MPDZ: variants seen among roughly 807,000 people sequenced by gnomAD.
MPDZ encodes multiple PDZ domain protein.
A neutral mutation model predicts 239.1 loss-of-function variants in MPDZ; 234 were observed. The observed-to-expected ratio is 0.98, with a 90% CI of 0.88 to 1.09. The LOEUF is 1.09. Ranked by LOEUF, MPDZ falls within the 50% of genes least tolerant of loss-of-function variation. The pLI is 0.00. For missense variants in MPDZ, 3,175 were observed against 2,510.0 expected (o/e 1.26, Z -5.66); for synonymous variants, 1,048 against 881.3 (o/e 1.19, Z -3.35).
At chr9:13,271,990 G>C (rs1008307955) in intron 1 of MPDZ, among the ~76,000 whole-genome samples, 1 of 152,088 alleles carries the variant, frequency 6.6e-6, no homozygotes, top group Non-Finnish European at 1.5e-5. Context: ...AGATGGGAGG[G>C]GTGGGTAGAG....
chr9:13,146,448 TTAAAA>T (rs1948447355), intron 26 of MPDZ, among the ~76,000 whole-genome samples: 1 of 152,078 alleles, frequency 6.6e-6, no homozygotes, highest in Non-Finnish European at 1.5e-5. Context: ...ACTTTACAAG[TTAAAA>T]TTAAATATAT....
intron 23 of MPDZ, among the ~76,000 whole-genome samples, chr9:13,160,870 A>ATATATATATATATATATATATATAT (rs1554669677): frequency 1.6e-5 from 2 of 127,712 alleles, no homozygotes; most frequent in Non-Finnish European, 1.7e-5. Context: ...ATATATATAT[A>ATATATATATATATATATATATATAT]AAACAGGTAC....
intron 26 of MPDZ, among the ~76,000 whole-genome samples, chr9:13,145,732 C>T (rs1948342306): frequency 6.6e-6 from 1 of 151,952 alleles, no homozygotes; most frequent in South Asian, 2.1e-4. Flanking sequence ...AATCAGGTAT[C>T]ATTATACCTC....
rs1339057654 is a variant in MPDZ, at chr9:13,217,271, A to T, written c.1110T>A (p.Gly370=). Residue 370 remains glycine, a synonymous_variant, in exon 9 of 47, where the codon GGT becomes GGA. Transcript: ENST00000319217. The part of the protein sequence containing the change: ...ELRVDASTQK[G]EESETFDVEL... The stretch of plus-strand genomic sequence containing the variant: ...CTACATCAAATGTCTCACTTTCTTC[A>T]CCTTTCTGAGTAGAAGCATCAACCT... 6.3e-7 allele frequency: 1 copy of T among 1,597,744 alleles called. No individual in the cohort carries two copies.
chr9:13,116,820 A>G (rs1164281932), intron 39 of MPDZ, among the ~76,000 whole-genome samples: 2 of 152,218 alleles, frequency 1.3e-5, no homozygotes, highest in Non-Finnish European at 2.9e-5. Context: ...AAAAGGACCC[A>G]TAAGTCCAAC....
intron 32 of MPDZ, among the ~76,000 whole-genome samples, chr9:13,129,024 G>C (rs538959170): frequency 6.6e-6 from 1 of 152,244 alleles, no homozygotes; most frequent in African/African-American, 2.4e-5. Flanking sequence ...GATGGAATTA[G>C]TTCATTTTTT....
chr9:13,177,654 G>C (rs574559981), intron 19 of MPDZ, among the ~76,000 whole-genome samples: 1 of 152,276 alleles, frequency 6.6e-6, no homozygotes, highest in Admixed American at 6.5e-5. Context: ...AAGTATGAAA[G>C]ACAGTGGTGT....
At chr9:13,148,052 G>A (rs1948669644) in intron 25 of MPDZ, among the ~76,000 whole-genome samples, 1 of 151,930 alleles carries the variant, frequency 6.6e-6, no homozygotes, top group African/African-American at 2.4e-5. Context: ...TGACTATAGG[G>A]TGGTTTGGGA....
At chr9:13,113,207 G>C (rs1431949883) in intron 41 of MPDZ, among the ~76,000 whole-genome samples, 153 bp from the exon 42 acceptor site, 1 of 152,020 alleles carries the variant, frequency 6.6e-6, no homozygotes, top group Non-Finnish European at 1.5e-5. Context: ...GATTAGATCT[G>C]TCTTACACAG....
chr9:13,176,593 C>T (rs1219001651), intron 19 of MPDZ, among the ~76,000 whole-genome samples, 176 bp from the exon 20 acceptor site: 2 of 152,132 alleles, frequency 1.3e-5, no homozygotes, highest in Non-Finnish European at 2.9e-5. Flanking sequence ...TTCTGCATAT[C>T]TTTATTTTCA....
chr9:13,126,637 C>T (rs1468025932), intron 33 of MPDZ, 43 bp downstream of exon 33: 7 of 1,609,072 alleles, frequency 4.4e-6, no homozygotes, highest in Non-Finnish European at 6.0e-6. Flanking sequence ...AAAAGTAATT[C>T]CCTCCCCAAC....
At chr9:13,209,952 AT>A (rs1564035372) in intron 10 of MPDZ, among the ~76,000 whole-genome samples, 1 of 151,826 alleles carries the variant, frequency 6.6e-6, no homozygotes, top group Non-Finnish European at 1.5e-5. Context: ...AAAAGAAATT[AT>A]AAGGAGAAGA....
At chr9:13,160,830 TTA>T (rs58374268) in intron 23 of MPDZ, among the ~76,000 whole-genome samples, 978 of 37,936 alleles carry the variant, frequency 0.026, 20 homozygotes, top group East Asian at 0.036. Context: ...ATTATTAAAA[TTA>T]TATATATATA....
intron 3 of MPDZ, among the ~76,000 whole-genome samples, chr9:13,245,676 A>G (rs1472521317): frequency 6.6e-6 from 1 of 152,166 alleles, no homozygotes; most frequent in African/African-American, 2.4e-5. Context: ...GTCTTAAAAT[A>G]TATCAGTTGT....
intron 1 of MPDZ, among the ~76,000 whole-genome samples, chr9:13,256,394 G>A (rs532631546): frequency 6.6e-6 from 1 of 152,286 alleles, no homozygotes; most frequent in African/African-American, 2.4e-5. Flanking sequence ...CAACTTGGCT[G>A]TTTGGCACAA....
chr9:13,229,602 ACACC>A (rs925844703), intron 3 of MPDZ, among the ~76,000 whole-genome samples: 14 of 148,804 alleles, frequency 9.4e-5, no homozygotes, highest in Middle Eastern at 6.8e-3. Context: ...ACACACACAC[ACACC>A]CCCATCCACC....
At chr9:13,227,457 A>C (rs1960993773) in intron 3 of MPDZ, among the ~76,000 whole-genome samples, 1 of 152,166 alleles carries the variant, frequency 6.6e-6, no homozygotes, top group Admixed American at 6.6e-5. Context: ...AGCAGATGGC[A>C]TAATGAAATT....
intron 36 of MPDZ, 70 bp downstream of exon 36, chr9:13,123,083 C>T: frequency 2.1e-6 from 3 of 1,442,678 alleles, no homozygotes; most frequent in Non-Finnish European, 2.8e-6. Flanking sequence ...TGATAGAAAT[C>T]TCCCCATAAT....
chr9:13,124,181 T>A (rs1224185893), intron 35 of MPDZ, among the ~76,000 whole-genome samples: 1 of 152,208 alleles, frequency 6.6e-6, no homozygotes, highest in Non-Finnish European at 1.5e-5. Context: ...GTGTAAGATA[T>A]TTTCTTTTAT....
Sources: gnomAD v4.1 joint callset for allele counts (sites outside exome capture counted in the v4.1 genomes callset) on GRCh38, gnomAD v4.1.1 for gene constraint, MANE v1.5 for transcripts, NCBI Gene and HGNC (gene_info 2026-07-23, HGNC 2026-07-21) for gene names.